The following CALD1 variants were observed in gnomAD, a reference collection of about 807,000 sequenced individuals.
CALD1 encodes caldesmon.
A neutral mutation model predicts 99.9 loss-of-function variants in CALD1; 33 were observed. That is an observed-to-expected ratio of 0.33 (90% CI 0.25 to 0.44). The LOEUF (loss-of-function observed/expected upper bound fraction) is 0.44. Among genes scored for constraint, CALD1 ranks in the 20% least tolerant of loss-of-function variants. The pLI is 1.00. For synonymous variants in CALD1, 310 were observed against 325.0 expected (o/e 0.95, Z 0.50); for missense variants, 861 against 962.1 (o/e 0.89, Z 1.39).
chr7:134,949,109 G>A (rs1053739228), intron 8 of CALD1, among the ~76,000 whole-genome samples: 1 of 152,082 alleles, frequency 6.6e-6, no homozygotes, highest in African/African-American at 2.4e-5. Context: ...CCAGTGCCTG[G>A]CACATTCTAG....
intron 3 of CALD1, among the ~76,000 whole-genome samples, chr7:134,895,298 A>ATGTGTGTG (rs71172482): frequency 7.8e-4 from 108 of 138,700 alleles, no homozygotes; most frequent in African/African-American, 2.2e-3. Flanking sequence ...TTATATATGT[A>ATGTGTGTG]TGTGTGTGTG....
chr7:134,711,656 C>CTATATA, the CALD1 span, among the ~76,000 whole-genome samples: 2 of 68,104 alleles, frequency 2.9e-5, no homozygotes, highest in African/African-American at 1.3e-4. Context: ...CTCTCTCTCT[C>CTATATA]TCTCTATATA....
intron 1 of CALD1, among the ~76,000 whole-genome samples, chr7:134,758,431 A>G (rs932389917): frequency 6.6e-6 from 1 of 152,018 alleles, no homozygotes; most frequent in Non-Finnish European, 1.5e-5. Context: ...CTTTAAGTGA[A>G]CTGGTCATTT....
intron 1 of CALD1, among the ~76,000 whole-genome samples, chr7:134,769,069 A>T (rs1796854951): frequency 6.6e-6 from 1 of 150,684 alleles, no homozygotes; most frequent in Non-Finnish European, 1.5e-5. Flanking sequence ...ATTAGCTATT[A>T]TATATTTTTA....
At chr7:134,735,019 A>G in the CALD1 span, 8 of 252,402 alleles carry the variant, frequency 3.2e-5, no homozygotes, top group African/African-American at 4.5e-5. Flanking sequence ...AGTGAACTCC[A>G]TCTCGTCCAT....
Position 134,800,030 on chromosome 7 carries a change from T to C in CALD1, c.-130+20281T>C, listed in dbSNP as rs550396001. ...ATTAGTTAACCTATAGAGGAATATA[T>C]CCTTAGGTGGTATAGAAAATCAGGG... On this transcript the variant is annotated intron_variant, in intron 1 of 14. Coordinates refer to ENST00000361675, the MANE Select transcript of CALD1 (RefSeq NM_033138.4). Among the ~76,000 whole-genome samples the C allele has an allele frequency of 3.3e-5, 5 of 152,174 alleles. No homozygotes were observed. In the East Asian group the frequency reaches 9.7e-4, roughly 29 times the overall value.
chr7:134,729,511 C>T, the CALD1 span, among the ~76,000 whole-genome samples: 2 of 152,214 alleles, frequency 1.3e-5, no homozygotes, highest in Admixed American at 6.5e-5. Context: ...TGGCACGCAG[C>T]CCCCGAGGGC....
chr7:134,969,934 C>T lies in CALD1; in HGVS notation c.*1589C>T, dbSNP rs1239086836. On this transcript the variant is annotated 3_prime_UTR_variant, in exon 15 of 15. Transcript: ENST00000361675. ...TGTGTTAGTCTCAATTCCTACCACA[C>T]TGAGGGAGCCTCCCAAATAACTATT... 6.5e-6 allele frequency: 1 copy of T among 152,672 alleles called. No individual in the cohort carries two copies. The highest frequency in any genetic ancestry group is 1.5e-5 in the Non-Finnish European group (1 of 68,054). 9.5% of individuals were successfully genotyped at this position (152,672 alleles called of 1,614,324 possible).
At chr7:134,758,948 T>C (rs549741215) in intron 1 of CALD1, among the ~76,000 whole-genome samples, 1 of 152,256 alleles carries the variant, frequency 6.6e-6, no homozygotes, top group Non-Finnish European at 1.5e-5. Flanking sequence ...ATGGCAATTC[T>C]CCAAATCAAG....
chr7:134,872,155 G>A (rs1007246016), intron 3 of CALD1, among the ~76,000 whole-genome samples: 4 of 152,068 alleles, frequency 2.6e-5, no homozygotes, highest in South Asian at 2.1e-4. Flanking sequence ...TCAGGAGTTC[G>A]AGACCACCCT....
chr7:134,797,490 A>G (rs1797789376), intron 1 of CALD1, among the ~76,000 whole-genome samples: 1 of 152,240 alleles, frequency 6.6e-6, no homozygotes, highest in Admixed American at 6.5e-5. Flanking sequence ...TTAAAGTGTA[A>G]AAGTGCTCCA....
chr7:134,743,588 T>C (rs1266717010), upstream of CALD1, among the ~76,000 whole-genome samples: 2 of 152,234 alleles, frequency 1.3e-5, no homozygotes, highest in Non-Finnish European at 2.9e-5. Flanking sequence ...GGAGATGTTC[T>C]CTGTGCAATG....
chr7:134,873,890 TATTA>T (rs1474184684), intron 3 of CALD1, among the ~76,000 whole-genome samples: 7 of 152,216 alleles, frequency 4.6e-5, no homozygotes, highest in African/African-American at 1.7e-4. Context: ...ATAAACTCAT[TATTA>T]ATTATTATTA....
intron 13 of CALD1, chr7:134,962,712 A>G (rs921132893): frequency 4.9e-6 from 2 of 405,166 alleles, no homozygotes; most frequent in Admixed American, 2.9e-5. Context: ...TGTCTGTTTG[A>G]GCTGGTTTGT....
chr7:134,955,610 C>T (rs1368996767), intron 9 of CALD1, among the ~76,000 whole-genome samples: 1 of 152,156 alleles, frequency 6.6e-6, no homozygotes, highest in Non-Finnish European at 1.5e-5. Flanking sequence ...GGAAAGAGAG[C>T]AAGTGAGCTC....
chr7:134,961,323 G>A (rs1808247326), intron 13 of CALD1: 2 of 152,118 alleles, frequency 1.3e-5, no homozygotes, highest in Admixed American at 6.5e-5. Flanking sequence ...ATAAGAAAAC[G>A]TATCAAGCTC....
At chr7:134,872,343 G>C (rs369431693) in intron 3 of CALD1, among the ~76,000 whole-genome samples, 32 of 136,398 alleles carry the variant, frequency 2.3e-4, no homozygotes, top group African/African-American at 8.7e-4. Flanking sequence ...AAGTGACGGA[G>C]TGAGACTCGG....
intron 2 of CALD1, among the ~76,000 whole-genome samples, chr7:134,859,881 T>A (rs186939991): frequency 6.6e-6 from 1 of 152,182 alleles, no homozygotes; most frequent in Non-Finnish European, 1.5e-5. Context: ...TCAAACTGTC[T>A]GCTACTCAGA....
At chr7:134,886,648 A>G (rs1027798537) in intron 3 of CALD1, among the ~76,000 whole-genome samples, 1 of 152,186 alleles carries the variant, frequency 6.6e-6, no homozygotes, top group Non-Finnish European at 1.5e-5. Context: ...AAAAGACGAG[A>G]CTAAAGGATG....
Sources: gnomAD v4.1 joint callset for allele counts (sites outside exome capture counted in the v4.1 genomes callset) on GRCh38, gnomAD v4.1.1 for gene constraint, MANE v1.5 for transcripts, NCBI Gene and HGNC (gene_info 2026-07-23, HGNC 2026-07-21) for gene names.